COQ2: variants seen among roughly 807,000 people sequenced by gnomAD.
The protein encoded by COQ2 is coenzyme Q2, polyprenyltransferase.
In COQ2, 25 loss-of-function variants were observed where a neutral mutation model predicts 35.7. That is an observed-to-expected ratio of 0.70 (90% CI 0.51 to 0.98). COQ2 has a LOEUF of 0.98. Among genes scored for constraint, COQ2 ranks in the 50% least tolerant of loss-of-function variants. COQ2 has a pLI of 0.00. For synonymous variants in COQ2, 206 were observed against 186.2 expected (o/e 1.11, Z -0.86); for missense variants, 488 against 473.5 (o/e 1.03, Z -0.28).
chr4:83,270,612 A>AT (rs1482464265), intron 4 of COQ2, among the ~76,000 whole-genome samples: 1 of 152,084 alleles, frequency 6.6e-6, no homozygotes, highest in East Asian at 1.9e-4. Context: ...TGTGTCCCAG[A>AT]TATCTTTTCT....
In COQ2 at chr4:83,267,491, T is replaced by C. The variant is rs1466422782; in HGVS notation, c.951+95A>G. On this transcript the variant is annotated intron_variant, in intron 6 of 6. Coordinates refer to ENST00000647002, the MANE Select transcript of COQ2 (RefSeq NM_001358921.2). ...AGAAGCCAAGTAGTTGTTTAAGAAG[T>C]TCCTTGCCAGGTAAACACAGAGGGC... The C allele has an allele frequency of 5.2e-6, 6 of 1,161,722 alleles. No individual in the cohort carries two copies. The East Asian group carries it at 1.1e-4, about 21-fold the overall frequency. The allele number at this position is 1,161,722 out of a possible 1,614,324, so 72.0% of individuals were successfully genotyped here. A position where few individuals can be genotyped will look rare whatever the true frequency, so the allele number is the denominator to read the frequency against.
intron 5 of COQ2, among the ~76,000 whole-genome samples, 199 bp downstream of exon 5, chr4:83,269,661 A>G (rs1382735477): frequency 1.3e-5 from 2 of 152,180 alleles, no homozygotes; most frequent in African/African-American, 4.8e-5. Flanking sequence ...AACACACATA[A>G]ACATAAAAAA....
chr4:83,284,479 A>C (rs1312814168), intron 1 of COQ2, 33 bp downstream of exon 1: 1 of 1,540,270 alleles, frequency 6.5e-7, no homozygotes, highest in Admixed American at 2.0e-5. Flanking sequence ...TGCTACTTGC[A>C]AATTCCCGGG....
At chr4:83,269,246 T>C (rs980028294) in intron 5 of COQ2, among the ~76,000 whole-genome samples, 1 of 152,172 alleles carries the variant, frequency 6.6e-6, no homozygotes, top group Non-Finnish European at 1.5e-5. Flanking sequence ...TTTTTAATTA[T>C]GGTACATCGA....
intron 3 of COQ2, among the ~76,000 whole-genome samples, chr4:83,272,716 T>C (rs1348458339): frequency 1.3e-5 from 2 of 152,184 alleles, no homozygotes; most frequent in Non-Finnish European, 2.9e-5. Flanking sequence ...TAAACTAAGA[T>C]GTCCTAACTA....
At chr4:83,264,643 A>AAAAAAG (rs1162132064) in intron 6 of COQ2, among the ~76,000 whole-genome samples, 2 of 152,242 alleles carry the variant, frequency 1.3e-5, no homozygotes, top group African/African-American at 4.8e-5. Flanking sequence ...CTATCTCAAA[A>AAAAAAG]AAAAAGAAAA....
chr4:83,271,900 T>C (rs191336608), intron 4 of COQ2, among the ~76,000 whole-genome samples, 187 bp downstream of exon 4: 31 of 152,278 alleles, frequency 2.0e-4, no homozygotes, highest in Admixed American at 1.7e-3. Context: ...ATAACCCTAA[T>C]AAATATGCAA....
rs765403087 is a variant in COQ2, at chr4:83,264,242, GTCT to G, written c.1070_1072del (p.Lys357del). On this transcript the variant is annotated inframe_deletion, in exon 7 of 7. Coordinates refer to ENST00000647002, the MANE Select transcript of COQ2 (RefSeq NM_001358921.2). ...CTCTATACCCTTCTTTGTTTTGTCT[GTCT>G]TCTTTTCTTTCCACAAATTCCCAAG... 17 of 1,593,514 alleles carry G rather than the reference GTCT, an allele frequency of 1.1e-5. No individual in the cohort carries two copies. In the East Asian group the frequency reaches 3.8e-4, roughly 36 times the overall value.
intron 1 of COQ2, among the ~76,000 whole-genome samples, chr4:83,279,605 A>G (rs1294749123): frequency 6.6e-6 from 1 of 151,890 alleles, no homozygotes; most frequent in Non-Finnish European, 1.5e-5. Context: ...ATATATACGT[A>G]CCTACATATA....
At chr4:83,276,010 TATATATA>T (rs1286307343) in intron 2 of COQ2, among the ~76,000 whole-genome samples, 1 of 59,026 alleles carries the variant, frequency 1.7e-5, no homozygotes, top group Admixed American at 2.4e-4. Flanking sequence ...GAATATATAT[TATATATA>T]ATATATATTT....
chr4:83,283,613 C>G, intron 1 of COQ2: 1 of 985,372 alleles, frequency 1.0e-6, no homozygotes, highest in Non-Finnish European at 1.2e-6. Context: ...CATATTTGAT[C>G]CATATTTTCC....
At chr4:83,267,901 A>G (rs1734962070) in intron 5 of COQ2, 127 bp from the exon 6 acceptor site, 2 of 701,038 alleles carry the variant, frequency 2.9e-6, no homozygotes, top group Non-Finnish European at 2.3e-6. Context: ...AATTACCACT[A>G]ACTACTTTCA....
intron 5 of COQ2, among the ~76,000 whole-genome samples, chr4:83,268,155 T>C (rs1260847633): frequency 6.6e-6 from 1 of 152,264 alleles, no homozygotes; most frequent in Non-Finnish European, 1.5e-5. Flanking sequence ...AGCTCCTCTC[T>C]ACCTCAGAGT....
intron 5 of COQ2, 30 bp from the exon 6 acceptor site, chr4:83,267,804 T>C: frequency 1.3e-6 from 2 of 1,511,574 alleles, no homozygotes; most frequent in Non-Finnish European, 1.8e-6. Flanking sequence ...TAAACTGTTT[T>C]TTGAGATTTA....
chr4:83,277,400 C>T (rs7682714), intron 2 of COQ2, among the ~76,000 whole-genome samples: 1 of 152,158 alleles, frequency 6.6e-6, no homozygotes, highest in Admixed American at 6.5e-5. Flanking sequence ...TGTCTAGAGA[C>T]ACCTTCACCC....
chr4:83,284,914 T>A, upstream of COQ2: 1 of 1,510,112 alleles, frequency 6.6e-7, no homozygotes, highest in Non-Finnish European at 8.8e-7. Flanking sequence ...ATTGGGGTCA[T>A]CGTGGTCGCT....
At chr4:83,270,063 C>T in intron 4 of COQ2, 70 bp from the exon 5 acceptor site, 1 of 1,546,846 alleles carries the variant, frequency 6.5e-7, no homozygotes, top group Admixed American at 1.8e-5. Context: ...GAAGGAGTGG[C>T]ATCGGAGTGT....
chr4:83,275,964 C>T (rs1735154991), intron 2 of COQ2, among the ~76,000 whole-genome samples: 1 of 142,670 alleles, frequency 7.0e-6, no homozygotes, highest in Admixed American at 6.9e-5. Context: ...TGAAGTGATA[C>T]ATGCCAGAAG....
chr4:83,270,529 A>G (rs1287600929), intron 4 of COQ2, among the ~76,000 whole-genome samples: 3 of 152,124 alleles, frequency 2.0e-5, no homozygotes, highest in Non-Finnish European at 4.4e-5. Flanking sequence ...TAACTCTCCT[A>G]AGCTCCAGAC....
Sources: gnomAD v4.1 joint callset for allele counts (sites outside exome capture counted in the v4.1 genomes callset) on GRCh38, gnomAD v4.1.1 for gene constraint, MANE v1.5 for transcripts, NCBI Gene and HGNC (gene_info 2026-07-23, HGNC 2026-07-21) for gene names.